The following ABTB2 variants were observed in gnomAD, a reference collection of about 807,000 sequenced individuals.
ABTB2 encodes ankyrin repeat and BTB domain containing 2.
In ABTB2, 56 loss-of-function variants were observed where a neutral mutation model predicts 104.1. That is an observed-to-expected ratio of 0.54 (90% confidence interval 0.43 to 0.67). The LOEUF (loss-of-function observed/expected upper bound fraction) is 0.67. Among genes scored for constraint, ABTB2 ranks in the 30% least tolerant of loss-of-function variants. ABTB2 has a pLI of 0.00. For synonymous variants in ABTB2, 606 were observed against 608.2 expected, an observed-to-expected ratio of 1.00 and a Z score of 0.05; for missense variants, 1,279 against 1,407.7, an observed-to-expected ratio of 0.91 and a Z score of 1.46.
At chr11:34,165,387 C>T (rs2133010190) in intron 7 of ABTB2, 31 bp from the exon 8 acceptor site, 2 of 1,557,570 alleles carry the variant, frequency 1.3e-6, no homozygotes, top group Non-Finnish European at 1.7e-6. Flanking sequence ...GAGGGCACTG[C>T]TCAGCGTGGC....
chr11:34,172,484 A>AGATAGAT (rs59859338), intron 4 of ABTB2, among the ~76,000 whole-genome samples: 2 of 150,530 alleles, frequency 1.3e-5, no homozygotes, highest in Admixed American at 6.6e-5. Flanking sequence ...ATAGATAGAT[A>AGATAGAT]AAAGGCTCTC....
intron 1 of ABTB2, among the ~76,000 whole-genome samples, chr11:34,296,731 G>GCT (rs1325251315): frequency 1.3e-5 from 2 of 152,190 alleles, no homozygotes; most frequent in Non-Finnish European, 2.9e-5. Flanking sequence ...AATCTGAAAT[G>GCT]CTGTACGCTT....
chr11:34,209,772 G>A (rs1441049577), intron 1 of ABTB2, among the ~76,000 whole-genome samples: 1 of 55,004 alleles, frequency 1.8e-5, no homozygotes, highest in African/African-American at 7.9e-5. Flanking sequence ...GGGTGGGGGT[G>A]GAGGGTAGGG....
intron 3 of ABTB2, among the ~76,000 whole-genome samples, chr11:34,179,080 C>CAAAAAA (rs111676312): frequency 2.0e-5 from 2 of 98,668 alleles, no homozygotes; most frequent in Non-Finnish European, 3.7e-5. Flanking sequence ...AACTCCAACT[C>CAAAAAA]AAAAAAAAAA....
At chr11:34,233,949 A>G (rs549344920) in intron 1 of ABTB2, among the ~76,000 whole-genome samples, 3 of 152,232 alleles carry the variant, frequency 2.0e-5, no homozygotes, top group Admixed American at 1.3e-4. Flanking sequence ...GTTTGGATAT[A>G]TATTTCTTTT....
chr11:34,172,472 A>AGATG (rs1449747002), intron 4 of ABTB2, among the ~76,000 whole-genome samples: 3 of 149,928 alleles, frequency 2.0e-5, no homozygotes, highest in African/African-American at 7.4e-5. Context: ...ATAGATAGAT[A>AGATG]GATAGATAGA....
intron 1 of ABTB2, among the ~76,000 whole-genome samples, chr11:34,306,315 C>T (rs1266863232): frequency 4.6e-5 from 6 of 131,324 alleles, no homozygotes; most frequent in East Asian, 5.1e-4. Context: ...GGCACAATCT[C>T]GGCTCACTGC....
At chr11:34,297,531 C>A (rs188587539) in intron 1 of ABTB2, among the ~76,000 whole-genome samples, 4 of 152,196 alleles carry the variant, frequency 2.6e-5, no homozygotes, top group African/African-American at 7.2e-5. Context: ...GTGACTCACA[C>A]CTGTAATCCC....
intron 1 of ABTB2, among the ~76,000 whole-genome samples, chr11:34,216,250 C>T (rs1305200310): frequency 6.6e-6 from 1 of 152,152 alleles, no homozygotes; most frequent in African/African-American, 2.4e-5. Context: ...GGAAGGCTTC[C>T]TGGAAGAAGG....
intron 1 of ABTB2, among the ~76,000 whole-genome samples, chr11:34,322,116 T>C (rs1292857948): frequency 6.6e-6 from 1 of 152,176 alleles, no homozygotes; most frequent in African/African-American, 2.4e-5. Context: ...CTAAGCTACA[T>C]ATCTGGCCAG....
chr11:34,159,061 C>T (rs1046170363), intron 14 of ABTB2, among the ~76,000 whole-genome samples: 2 of 152,232 alleles, frequency 1.3e-5, no homozygotes, highest in African/African-American at 4.8e-5. Flanking sequence ...GCTGCCCAGA[C>T]CACCTGTCCA....
At chr11:34,238,498 A>ATTC (rs1853873189) in intron 1 of ABTB2, among the ~76,000 whole-genome samples, 3 of 152,200 alleles carry the variant, frequency 2.0e-5, no homozygotes, top group Non-Finnish European at 4.4e-5. Flanking sequence ...TACAGTAGGT[A>ATTC]CTCAATAAAT....
At chr11:34,325,002 G>T (rs967714134) in intron 1 of ABTB2, among the ~76,000 whole-genome samples, 2 of 152,096 alleles carry the variant, frequency 1.3e-5, no homozygotes, top group African/African-American at 4.8e-5. Flanking sequence ...TGTTGTTGAG[G>T]TTGCCTGGGC....
intron 14 of ABTB2, among the ~76,000 whole-genome samples, chr11:34,158,605 C>T (rs1230861594): frequency 6.6e-6 from 1 of 152,210 alleles, no homozygotes; most frequent in Non-Finnish European, 1.5e-5. Flanking sequence ...CACCACACAG[C>T]CTGGAGACCT....
intron 1 of ABTB2, among the ~76,000 whole-genome samples, chr11:34,286,718 T>C (rs894458885): frequency 1.3e-5 from 2 of 152,222 alleles, no homozygotes; most frequent in Non-Finnish European, 2.9e-5. Context: ...ACCATTTTCA[T>C]GCTGTTTCTG....
intron 1 of ABTB2, among the ~76,000 whole-genome samples, chr11:34,214,240 C>T (rs1344892527): frequency 6.6e-6 from 1 of 151,382 alleles, no homozygotes; most frequent in Non-Finnish European, 1.5e-5. Context: ...TAAATATCAG[C>T]CTTCTTCTCA....
At chr11:34,178,337 C>T (rs1187590290) in intron 3 of ABTB2, among the ~76,000 whole-genome samples, 1 of 152,184 alleles carries the variant, frequency 6.6e-6, no homozygotes, top group African/African-American at 2.4e-5. Flanking sequence ...AGGAACATGC[C>T]TTCCATGGGC....
intron 1 of ABTB2, among the ~76,000 whole-genome samples, chr11:34,322,373 C>T (rs750087075): frequency 1.3e-5 from 2 of 152,158 alleles, no homozygotes; most frequent in Admixed American, 6.5e-5. Context: ...GTCAGGAGTT[C>T]GAGACCAGTC....
At position 34,162,662 on chromosome 11, in the gene ABTB2, C is replaced by A. The variant is rs749976188; in HGVS notation, c.2132G>T (p.Arg711Leu). ...SGSEGPVRLS[R>L]TRTKALQEAM... ...CTCCTGTAGGGCCTTGGTGCGGGTC[C>A]GGCTCAGCCGCACGGGCCCCTCGCT... is the stretch of plus-strand genomic sequence containing the variant. The change falls in exon 10 of 17, where the codon CGG becomes CTG. Residue 711 changes from arginine (R) to leucine (L), a missense_variant. Coordinates refer to ENST00000435224, the MANE Select transcript of ABTB2 (RefSeq NM_145804.3). 1.9e-6 allele frequency: 3 copies of A among 1,613,336 alleles called. No homozygotes were observed. The highest frequency in any genetic ancestry group is 2.5e-6 in the Non-Finnish European group (3 of 1,180,012).
Sources: gnomAD v4.1 joint callset for allele counts (sites outside exome capture counted in the v4.1 genomes callset) on GRCh38, gnomAD v4.1.1 for gene constraint, MANE v1.5 for transcripts, NCBI Gene and HGNC (gene_info 2026-07-23, HGNC 2026-07-21) for gene names.